OR9Q1: variants seen among roughly 807,000 people sequenced by gnomAD.
The protein encoded by OR9Q1 is olfactory receptor 9Q1.
For missense variants in OR9Q1, 374 were observed against 378.8 expected, an observed-to-expected ratio of 0.99 and a Z score of 0.11; for synonymous variants, 153 against 148.6, an observed-to-expected ratio of 1.03 and a Z score of -0.22.
chr11:58,157,114 C>T (rs1356297495), intron 2 of OR9Q1, among the ~76,000 whole-genome samples: 1 of 152,142 alleles, frequency 6.6e-6, no homozygotes, highest in African/African-American at 2.4e-5. Context: ...TGCCTGGTAC[C>T]ATACTCTCCT....
intron 1 of OR9Q1, among the ~76,000 whole-genome samples, chr11:58,053,408 T>G (rs1255509341): frequency 5.1e-5 from 6 of 117,632 alleles, no homozygotes; most frequent in African/African-American, 1.6e-4. Context: ...TGAGAACACA[T>G]GGACACAGGA....
chr11:58,143,772 TG>T (rs1404739878), intron 2 of OR9Q1, among the ~76,000 whole-genome samples: 16 of 152,050 alleles, frequency 1.1e-4, no homozygotes, highest in African/African-American at 3.4e-4. Flanking sequence ...ACCTAGGTGA[TG>T]GGTTGATAGG....
intron 1 of OR9Q1, among the ~76,000 whole-genome samples, chr11:58,034,111 T>C (rs569468913): frequency 2.8e-5 from 4 of 140,850 alleles, no homozygotes; most frequent in African/African-American, 8.0e-5. Context: ...AGACAGAGTC[T>C]TGCTCTGTCG....
intron 2 of OR9Q1, chr11:58,118,343 A>G (rs996517603): frequency 4.6e-5 from 27 of 583,948 alleles, no homozygotes; most frequent in Admixed American, 9.2e-5. Flanking sequence ...GCTGGAAACT[A>G]ATTTCACCAC....
intron 2 of OR9Q1, among the ~76,000 whole-genome samples, chr11:58,063,459 T>C (rs940618679): frequency 6.6e-6 from 1 of 152,182 alleles, no homozygotes; most frequent in Non-Finnish European, 1.5e-5. Context: ...ATGCAAAGGA[T>C]CTAAAAATCA....
chr11:58,150,450 T>C (rs1266647045), intron 2 of OR9Q1, among the ~76,000 whole-genome samples: 1 of 152,142 alleles, frequency 6.6e-6, no homozygotes, highest in East Asian at 1.9e-4. Context: ...AAAAATAAAT[T>C]GGGTTGTTTG....
chr11:58,154,863 C>T lies in OR9Q1; in HGVS notation c.-14-24568C>T, dbSNP rs187671199. Among the ~76,000 whole-genome samples the T allele has an allele frequency of 7.9e-5, 12 of 152,284 alleles. No homozygotes were observed. In the East Asian group the frequency reaches 2.3e-3, roughly 29 times the overall value. ...CATTCAGCCATTGTGAAGTTCACCT[C>T]CCACTACACTGGGCTTTTCCATCAG... On this transcript the variant is annotated intron_variant, in intron 2 of 2. Coordinates refer to ENST00000335397, the MANE Select transcript of OR9Q1 (RefSeq NM_001005212.4).
intron 2 of OR9Q1, among the ~76,000 whole-genome samples, chr11:58,151,218 T>C (rs1017407772): frequency 6.6e-6 from 1 of 152,184 alleles, no homozygotes; most frequent in Non-Finnish European, 1.5e-5. Flanking sequence ...AGAGGAGATG[T>C]CATATAAAAA....
intron 2 of OR9Q1, among the ~76,000 whole-genome samples, chr11:58,061,395 C>T (rs766134868): frequency 2.0e-5 from 3 of 152,180 alleles, no homozygotes; most frequent in Non-Finnish European, 4.4e-5. Flanking sequence ...GTACCAGGCC[C>T]TGGTTATTCC....
intron 2 of OR9Q1, among the ~76,000 whole-genome samples, chr11:58,149,192 A>G (rs538736268): frequency 6.6e-6 from 1 of 152,316 alleles, no homozygotes; most frequent in African/African-American, 2.4e-5. Context: ...AAACCCCTGA[A>G]AAAAGCATTG....
At chr11:58,149,664 C>G in intron 2 of OR9Q1, among the ~76,000 whole-genome samples, 1 of 152,132 alleles carries the variant, frequency 6.6e-6, no homozygotes, top group East Asian at 1.9e-4. Flanking sequence ...AGTTCTGTTT[C>G]TATGGATTTG....
intron 1 of OR9Q1, among the ~76,000 whole-genome samples, chr11:58,040,040 A>G (rs1266561519): frequency 6.6e-6 from 1 of 152,202 alleles, no homozygotes; most frequent in African/African-American, 2.4e-5. Flanking sequence ...CCTTCTTTAT[A>G]GAGGAGAAAA....
intron 1 of OR9Q1, among the ~76,000 whole-genome samples, chr11:58,053,511 A>G (rs868800101): frequency 6.9e-6 from 1 of 145,778 alleles, no homozygotes; most frequent in Non-Finnish European, 1.5e-5. Context: ...TGACGAGTTA[A>G]TGGGTGCAGC....
intron 2 of OR9Q1, among the ~76,000 whole-genome samples, chr11:58,123,239 C>G (rs919821358): frequency 6.6e-6 from 1 of 152,186 alleles, no homozygotes; most frequent in African/African-American, 2.4e-5. Flanking sequence ...TTGTCTCCCT[C>G]CATTTTCCTA....
chr11:58,139,247 C>T (rs1451962958), intron 2 of OR9Q1, among the ~76,000 whole-genome samples: 1 of 150,664 alleles, frequency 6.6e-6, no homozygotes, highest in Non-Finnish European at 1.5e-5. Flanking sequence ...TTTTCCCTTT[C>T]ACTTTTATTT....
At chr11:58,044,965 A>G (rs1434788989) in intron 1 of OR9Q1, 1 of 152,206 alleles carries the variant, frequency 6.6e-6, no homozygotes, top group Admixed American at 6.5e-5. Context: ...CTCAAGTGGA[A>G]AATTCCACAC....
chr11:58,151,336 G>A (rs991634321), intron 2 of OR9Q1, among the ~76,000 whole-genome samples: 13 of 152,280 alleles, frequency 8.5e-5, no homozygotes, highest in Admixed American at 8.5e-4. Flanking sequence ...AGCCTGGGAT[G>A]GTTAAATAAT....
At chr11:58,118,981 C>T (rs1853992840) in intron 2 of OR9Q1, 1 of 1,613,788 alleles carries the variant, frequency 6.2e-7, no homozygotes, top group Non-Finnish European at 8.5e-7. Flanking sequence ...CAGGATGGCT[C>T]CTGACACCCC....
intron 2 of OR9Q1, among the ~76,000 whole-genome samples, chr11:58,107,749 GTCTCT>G (rs1476564870): frequency 1.4e-5 from 2 of 142,836 alleles, no homozygotes; most frequent in Non-Finnish European, 3.2e-5. Flanking sequence ...CTATTTATTT[GTCTCT>G]TCTTTAATTT....
Sources: gnomAD v4.1 joint callset for allele counts (sites outside exome capture counted in the v4.1 genomes callset) on GRCh38, gnomAD v4.1.1 for gene constraint, MANE v1.5 for transcripts, NCBI Gene and HGNC (gene_info 2026-07-23, HGNC 2026-07-21) for gene names.